The following SPIRE1 variants were observed in gnomAD, a reference collection of about 807,000 sequenced individuals.
The protein encoded by SPIRE1 is spire type actin nucleation factor 1, also known as protein spire homolog 1.
Under a neutral mutation model 94.1 loss-of-function variants are expected in SPIRE1, and 40 were observed. The ratio of observed to expected loss-of-function variants is 0.43; its 90% CI spans 0.33 to 0.55. SPIRE1 has a LOEUF of 0.55. Among genes scored for constraint, SPIRE1 ranks in the 20% least tolerant of loss-of-function variants. The pLI, the probability that SPIRE1 is intolerant of heterozygous loss-of-function variation, is 0.06. For synonymous variants in SPIRE1, 376 were observed against 371.7 expected (o/e 1.01, Z -0.13); for missense variants, 838 against 975.2 (o/e 0.86, Z 1.87).
chr18:12,500,971 T>C (rs111430361), intron 6 of SPIRE1, among the ~76,000 whole-genome samples: 8,404 of 138,274 alleles, frequency 0.061, 278 homozygotes, highest in South Asian at 0.1. Flanking sequence ...ACTTGGGAGG[T>C]GGAGGCAGGA....
At chr18:12,612,923 T>C (rs190670809) in intron 2 of SPIRE1, among the ~76,000 whole-genome samples, 22 of 152,270 alleles carry the variant, frequency 1.4e-4, no homozygotes, top group Non-Finnish European at 7.4e-5. Flanking sequence ...TTGTTAAAAA[T>C]TGCAAACCCA....
rs188214438 is a variant in SPIRE1 at position 12,579,605 on chromosome 18, A to G, written c.373-32701T>C. Reference sequence around the variant, plus strand: ...GCAAATGCCACTGAACTATACAATCAAGATTGTAAAAATGGTGAATGTTAT... The same window carrying G: ...GCAAATGCCACTGAACTATACAATCGAGATTGTAAAAATGGTGAATGTTAT... On this transcript the variant is annotated intron_variant, in intron 2 of 16. Transcript: ENST00000409402. Among the ~76,000 whole-genome samples, 192 of 152,354 alleles carry G rather than the reference A, an allele frequency of 1.3e-3. 2 individuals carry two copies. Among genetic ancestry groups the G allele is most frequent in the Non-Finnish European group, 2.0e-3 (136 of 68,032 alleles).
intron 2 of SPIRE1, among the ~76,000 whole-genome samples, chr18:12,564,217 G>A (rs1735275164): frequency 6.6e-6 from 1 of 152,098 alleles, no homozygotes. Flanking sequence ...TGTGACCCTA[G>A]AGCATAAACA....
chr18:12,541,059 GTTA>G (rs1347082147), intron 3 of SPIRE1, among the ~76,000 whole-genome samples: 1 of 152,160 alleles, frequency 6.6e-6, no homozygotes, highest in Non-Finnish European at 1.5e-5. Flanking sequence ...TCACGCATTT[GTTA>G]TTATTCAGTT....
intron 8 of SPIRE1, among the ~76,000 whole-genome samples, chr18:12,487,473 A>G (rs574853885): frequency 4.7e-5 from 7 of 150,028 alleles, no homozygotes; most frequent in African/African-American, 1.5e-4. Flanking sequence ...CAGTGGTGCA[A>G]TCTCGGCTCA....
intron 4 of SPIRE1, among the ~76,000 whole-genome samples, chr18:12,525,732 C>T (rs2034502192): frequency 6.6e-6 from 1 of 152,066 alleles, no homozygotes; most frequent in African/African-American, 2.4e-5. Context: ...ACAGATTTAC[C>T]AAGATTTCTG....
chr18:12,578,341 T>C (rs2036166318), intron 2 of SPIRE1, among the ~76,000 whole-genome samples: 1 of 152,232 alleles, frequency 6.6e-6, no homozygotes, highest in Non-Finnish European at 1.5e-5. Flanking sequence ...TTGCAATATA[T>C]TGACACAATG....
intron 2 of SPIRE1, 116 bp downstream of exon 2, chr18:12,634,946 A>AG (rs2144817926): frequency 1.7e-6 from 1 of 592,440 alleles, no homozygotes; most frequent in African/African-American, 1.9e-5. Context: ...AAAAAAAAAA[A>AG]AAAAGAAATC....
chr18:12,635,124 T>C lies in SPIRE1; in HGVS notation c.338-28A>G, dbSNP rs1193622107. The C allele has an allele frequency of 4.9e-6, 6 of 1,236,518 alleles. 1 individual carries two copies. The highest frequency in any genetic ancestry group is 4.1e-4 in the Middle Eastern group (2 of 4,886). The allele number at this position is 1,236,518 out of a possible 1,614,324, so 76.6% of individuals were successfully genotyped here. ...GTAATAAAAATGAAAAGGATTACTT[T>C]AAAAAGATTTCAGCTTTTTTAAATC... On this transcript the variant is annotated intron_variant, in intron 1 of 16. Transcript: ENST00000409402.
At chr18:12,480,161 G>C (rs1247841721) in intron 9 of SPIRE1, among the ~76,000 whole-genome samples, 1 of 152,120 alleles carries the variant, frequency 6.6e-6, no homozygotes, top group Non-Finnish European at 1.5e-5. Context: ...GAAGAAACTG[G>C]GGCTGAGAGA....
intron 2 of SPIRE1, among the ~76,000 whole-genome samples, chr18:12,626,827 T>A (rs1347450196): frequency 6.7e-6 from 1 of 149,982 alleles, no homozygotes; most frequent in African/African-American, 2.4e-5. Flanking sequence ...TGATGATTAA[T>A]TAATGTCTAT....
At chr18:12,622,645 A>G (rs2037509475) in intron 2 of SPIRE1, among the ~76,000 whole-genome samples, 1 of 150,918 alleles carries the variant, frequency 6.6e-6, no homozygotes, top group African/African-American at 2.4e-5. Context: ...GATGGTCTCG[A>G]TCTCCTGACC....
At chr18:12,495,372 A>C (rs965155126) in intron 7 of SPIRE1, among the ~76,000 whole-genome samples, 1 of 152,222 alleles carries the variant, frequency 6.6e-6, no homozygotes, top group Admixed American at 6.5e-5. Context: ...AGGTGGATTT[A>C]TTATAAAATA....
intron 1 of SPIRE1, among the ~76,000 whole-genome samples, chr18:12,656,945 T>C (rs1392153164): frequency 1.3e-5 from 2 of 152,254 alleles, no homozygotes; most frequent in African/African-American, 4.8e-5. Flanking sequence ...TTAGTCTATT[T>C]TTCCATTTCT....
intron 4 of SPIRE1, among the ~76,000 whole-genome samples, chr18:12,533,442 C>T (rs1427691697): frequency 1.3e-5 from 2 of 152,114 alleles, no homozygotes; most frequent in African/African-American, 4.8e-5. Context: ...GAGTAATGTG[C>T]TGACATAACA....
intron 8 of SPIRE1, among the ~76,000 whole-genome samples, chr18:12,490,489 C>T (rs2033195123): frequency 6.6e-6 from 1 of 151,874 alleles, no homozygotes; most frequent in Non-Finnish European, 1.5e-5. Context: ...GGCCAAAACC[C>T]CCAAAATTAC....
intron 3 of SPIRE1, among the ~76,000 whole-genome samples, chr18:12,542,102 G>A (rs12955490): frequency 0.43 from 64,995 of 151,206 alleles, 15,142 homozygotes; most frequent in East Asian, 0.59. Flanking sequence ...CCAGCCTCCC[G>A]AGTAGCTGGG....
intron 2 of SPIRE1, among the ~76,000 whole-genome samples, chr18:12,556,029 A>T (rs1220043878): frequency 6.6e-6 from 1 of 152,214 alleles, no homozygotes; most frequent in Non-Finnish European, 1.5e-5. Context: ...TGCCAATAGC[A>T]AACAAGCTGA....
intron 12 of SPIRE1, chr18:12,459,862 CTGTT>C: frequency 1.0e-6 from 1 of 985,878 alleles, no homozygotes; most frequent in Non-Finnish European, 1.2e-6. Flanking sequence ...AGCAGAGAAG[CTGTT>C]TGTATGGTAG....
Sources: allele counts gnomAD v4.1 joint callset (sites outside exome capture counted in the v4.1 genomes callset), GRCh38; gene constraint gnomAD v4.1.1; transcripts MANE v1.5; gene names NCBI Gene and HGNC (gene_info 2026-07-23, HGNC 2026-07-21).